The following SCO2 variants were observed in gnomAD, a reference collection of about 807,000 sequenced individuals.
SCO2 encodes the protein cytochrome c oxidase assembly factor SCO2.
For synonymous variants in SCO2, 195 were observed against 148.6 expected, an observed-to-expected ratio of 1.31 and a Z score of -2.27; for missense variants, 429 against 348.7, an observed-to-expected ratio of 1.23 and a Z score of -1.83.
At chr22:50,526,267 C>A, upstream of SCO2, 1 of 1,540,628 alleles carries the variant, frequency 6.5e-7, no homozygotes, top group Non-Finnish European at 8.7e-7. Flanking sequence ...GCCAGCAGCT[C>A]CTCCTGCTCC....
At position 50,524,310 on chromosome 22, in the gene SCO2, C is replaced by G; in HGVS notation, c.102G>C (p.Arg34Ser). ...GGCCCTGCCTTGACAAAAGCCAGGA[C>G]CTCAGATGCAGGGCCTGGCCTCCCA... ...GTLGGQALHL[R>S]SWLLSRQGPA... Residue 34 changes from arginine to serine, a missense_variant, in exon 2 of 2, where the codon AGG becomes AGC. Physicochemically the swap from Arg to Ser is moderately radical, Grantham distance 110 (BLOSUM62 -1). Coordinates refer to ENST00000395693, the MANE Select transcript of SCO2 (RefSeq NM_005138.3). 1 of 1,602,384 alleles carries G rather than the reference C, an allele frequency of 6.2e-7. No individual in the cohort carries two copies. The highest frequency in any genetic ancestry group is 8.5e-7 in the Non-Finnish European group (1 of 1,179,884).
intron 1 of SCO2, among the ~76,000 whole-genome samples, chr22:50,525,078 TC>T: frequency 6.6e-6 from 1 of 152,324 alleles, no homozygotes; most frequent in East Asian, 1.9e-4. Flanking sequence ...TTTGAGCCTT[TC>T]CCACGGGCCC....
chr22:50,525,817 C>A (rs768582480), upstream of SCO2: 88 of 1,610,130 alleles, frequency 5.5e-5, no homozygotes, highest in Non-Finnish European at 7.3e-5. Context: ...GAGGGGGCGG[C>A]GAATGGCGCG....
At position 50,523,649 on chromosome 22, in the gene SCO2, G is replaced by A. The variant is rs112793292; in HGVS notation, c.763C>T (p.Arg255Trp). 7 of 1,613,744 alleles carry A rather than the reference G, an allele frequency of 4.3e-6. No homozygotes were observed. The highest frequency in any genetic ancestry group is 1.7e-4 in the Middle Eastern group (1 of 6,012). ...RSAEQISDSV[R>W]RHMAAFRSVL... ...CTGCGGAAAGCCGCCATGTGCCGCC[G>A]CACACTGTCTGAGATCTGCTCAGCC... Residue 255 changes from arginine (R) to tryptophan (W), a missense_variant, in exon 2 of 2, where the codon CGG (arginine) becomes TGG (tryptophan). Physicochemically the swap from Arg to Trp is moderately radical, Grantham distance 101. Transcript: ENST00000395693.
At chr22:50,524,537 G>T in intron 1 of SCO2, 113 bp from the exon 2 acceptor site, 1 of 945,282 alleles carries the variant, frequency 1.1e-6, no homozygotes, top group Non-Finnish European at 1.7e-6. Flanking sequence ...CCACGTTCAG[G>T]CTTAACAGGC....
chr22:50,525,780 G>C (rs863224256), upstream of SCO2: 7 of 1,610,824 alleles, frequency 4.3e-6, no homozygotes, highest in Non-Finnish European at 5.9e-6. Flanking sequence ...TTATTGCTGC[G>C]GCGGCAGAAC....
upstream of SCO2, chr22:50,526,424 A>G: frequency 6.6e-7 from 1 of 1,506,420 alleles, no homozygotes. Flanking sequence ...CCACCCGGGC[A>G]GCGCCCTGGG....
At chr22:50,524,690 G>A in intron 1 of SCO2, 1 of 665,246 alleles carries the variant, frequency 1.5e-6, no homozygotes, top group Admixed American at 2.1e-5. Context: ...TCAGCAAGGT[G>A]AACCTCTTGC....
intron 1 of SCO2, chr22:50,524,784 G>C: frequency 2.4e-6 from 1 of 414,044 alleles, no homozygotes; most frequent in East Asian, 6.8e-5. Flanking sequence ...AAAAGGAGGT[G>C]GGTAACTCTC....
At chr22:50,525,638 A>G (rs576722669), upstream of SCO2, 92 of 1,364,370 alleles carry the variant, frequency 6.7e-5, no homozygotes, top group Non-Finnish European at 8.7e-5. Flanking sequence ...AGCCGCTGAC[A>G]GGCTCTCAGC....
At chr22:50,524,968 G>A (rs1249085037) in intron 1 of SCO2, among the ~76,000 whole-genome samples, 3 of 151,834 alleles carry the variant, frequency 2.0e-5, no homozygotes, top group Non-Finnish European at 4.4e-5. Flanking sequence ...AGAGACGCAC[G>A]ACACTTCCAC....
rs767508233 is a variant in SCO2 at position 50,524,371 on chromosome 22, A to C, written c.41T>G (p.Leu14Arg). Residue 14 changes from leucine (L) to arginine (R), a missense_variant, in exon 2 of 2, where the codon CTC becomes CGC. By Grantham distance (102) the Leu-to-Arg change is moderately radical (BLOSUM62 -2). Coordinates refer to ENST00000395693, the MANE Select transcript of SCO2 (RefSeq NM_005138.3). ...LTRSPTAWHR[L>R]SQLKPRVLPG... ...GAGGACCCGAGGCTTGAGCTGAGAGAGCCTGTGCCAAGCTGTGGGGCTCCG... is the reference window on the plus strand; with the variant it reads ...GAGGACCCGAGGCTTGAGCTGAGAGCGCCTGTGCCAAGCTGTGGGGCTCCG... The C allele has an allele frequency of 6.2e-6, 10 of 1,602,698 alleles. No homozygotes were observed. The highest frequency in any genetic ancestry group is 2.2e-5 in the South Asian group (2 of 91,084).
chr22:50,525,848 C>T, upstream of SCO2: 1 of 1,606,116 alleles, frequency 6.2e-7, no homozygotes, highest in African/African-American at 1.3e-5. Context: ...GTACGAGCGC[C>T]TCCTGCAGGG....
At position 50,523,951 on chromosome 22, in the gene SCO2, T is replaced by A; in HGVS notation, c.461A>T (p.Glu154Val). Reference protein sequence around the residue: ...LVQVVRQLEAEPGLPPVQPVF... With the variant: ...LVQVVRQLEAVPGLPPVQPVF... ...AGGCTGCACTGGAGGCAAACCAGGCTCTGCTTCCAGCTGCCGCACCACCTG... is the reference window on the plus strand; with the variant it reads ...AGGCTGCACTGGAGGCAAACCAGGCACTGCTTCCAGCTGCCGCACCACCTG... The change falls in exon 2 of 2, where the codon GAG (glutamate) becomes GTG (valine). Residue 154 changes from glutamate (E) to valine (V), a missense_variant. Coordinates refer to ENST00000395693, the MANE Select transcript of SCO2 (RefSeq NM_005138.3). 6.2e-7 allele frequency: 1 copy of A among 1,612,434 alleles called. No individual in the cohort carries two copies. The highest frequency in any genetic ancestry group is 8.5e-7 in the Non-Finnish European group (1 of 1,178,976).
upstream of SCO2, chr22:50,525,649 G>T: frequency 1.4e-6 from 2 of 1,432,720 alleles, no homozygotes; most frequent in African/African-American, 1.4e-5. Context: ...GGCTCTCAGC[G>T]CGTGCGCGGA....
chr22:50,525,704 G>A (rs996270253), upstream of SCO2: 4 of 1,568,720 alleles, frequency 2.5e-6, no homozygotes, highest in Admixed American at 1.9e-5. Flanking sequence ...GACGGCCCCC[G>A]CCTCCGCAGC....
upstream of SCO2, chr22:50,525,842 G>A (rs1234563735): frequency 6.2e-6 from 10 of 1,607,670 alleles, 1 homozygote; most frequent in African/African-American, 1.1e-4. Flanking sequence ...CGGAGAGTAC[G>A]AGCGCCTCCT....
chr22:50,526,160 A>G (rs1354326122), upstream of SCO2: 4 of 1,474,274 alleles, frequency 2.7e-6, no homozygotes, highest in Non-Finnish European at 3.6e-6. Context: ...AGAGGGGCTG[A>G]GAGGCGCGGG....
chr22:50,524,027 C>A lies in SCO2; in HGVS notation c.385G>T (p.Gly129Cys). The A allele has an allele frequency of 3.1e-6, 5 of 1,613,576 alleles. No individual in the cohort carries two copies. In the South Asian group the frequency reaches 5.5e-5, roughly 18 times the overall value. ...FRGQWVLMYF[G>C]FTHCPDICPD... is the part of the protein sequence containing the mutation. ...CAGATGTCAGGGCAGTGAGTGAAGC[C>A]AAAGTACATCAGCACCCACTGGCCC... Residue 129 changes from glycine to cysteine, a missense_variant, in exon 2 of 2, where the codon GGC becomes TGC. Physicochemically the swap from Gly to Cys is radical, Grantham distance 159 (BLOSUM62 -3). Transcript: ENST00000395693.
Sources: allele counts gnomAD v4.1 joint callset (sites outside exome capture counted in the v4.1 genomes callset), GRCh38; gene constraint gnomAD v4.1.1; transcripts MANE v1.5; gene names NCBI Gene and HGNC (gene_info 2026-07-23, HGNC 2026-07-21).